GPC5: variants seen among roughly 807,000 people sequenced by gnomAD.
GPC5 encodes the protein glypican-5.
A neutral mutation model predicts 53.9 loss-of-function variants in GPC5; 47 were observed. That is an observed-to-expected ratio of 0.87 (90% confidence interval 0.69 to 1.11). The LOEUF (loss-of-function observed/expected upper bound fraction) is 1.11, where lower values mean the gene tolerates loss of function less well. Among genes scored for constraint, GPC5 ranks in the 50% most tolerant of loss-of-function variants. The pLI is 0.00. For missense variants in GPC5, 748 were observed against 713.1 expected (o/e 1.05, Z -0.56); for synonymous variants, 286 against 263.3 (o/e 1.09, Z -0.84).
rs1594139907 is a variant in GPC5 at position 91,478,191 on chromosome 13, G to T, written c.325+29269G>T. Among the ~76,000 whole-genome samples, 4 of 151,724 alleles carry T rather than the reference G, an allele frequency of 2.6e-5. No homozygotes were observed. In the East Asian group the frequency reaches 7.8e-4, roughly 29 times the overall value. The stretch of plus-strand genomic sequence containing the variant: ...TAAAAAAAAGTTAATCTTTTTACCA[G>T]ACACTTAAAATTACTCTTTTCATTA... On this transcript the variant is annotated intron_variant, in intron 2 of 7. Coordinates refer to ENST00000377067, the MANE Select transcript of GPC5 (RefSeq NM_004466.6).
intron 7 of GPC5, among the ~76,000 whole-genome samples, chr13:92,639,871 A>G (rs1364584432): frequency 6.6e-6 from 1 of 152,130 alleles, no homozygotes; most frequent in Non-Finnish European, 1.5e-5. Context: ...CATAGACATG[A>G]ATGGGAAAAG....
intron 7 of GPC5, among the ~76,000 whole-genome samples, chr13:92,326,874 A>G (rs2043255132): frequency 6.6e-6 from 1 of 152,058 alleles, no homozygotes; most frequent in African/African-American, 2.4e-5. Context: ...ATCAGGCTCT[A>G]TGGTCAGGGA....
At chr13:91,811,996 G>C (rs903024234) in intron 5 of GPC5, among the ~76,000 whole-genome samples, 1 of 152,218 alleles carries the variant, frequency 6.6e-6, no homozygotes, top group Non-Finnish European at 1.5e-5. Flanking sequence ...GAAACAGGTT[G>C]CTGAGTCTAG....
chr13:91,794,065 G>A (rs1261799773), intron 5 of GPC5, among the ~76,000 whole-genome samples: 4 of 152,096 alleles, frequency 2.6e-5, no homozygotes, highest in Admixed American at 2.0e-4. Flanking sequence ...CCAGTGTCGA[G>A]TCAAAATTCT....
intron 7 of GPC5, among the ~76,000 whole-genome samples, chr13:92,564,542 T>C (rs1882804067): frequency 6.6e-6 from 1 of 152,060 alleles, no homozygotes; most frequent in Non-Finnish European, 1.5e-5. Context: ...TTATTTTAAA[T>C]TCAGGGGATA....
intron 6 of GPC5, among the ~76,000 whole-genome samples, chr13:92,044,412 G>A (rs2040965590): frequency 6.6e-6 from 1 of 152,136 alleles, no homozygotes; most frequent in African/African-American, 2.4e-5. Flanking sequence ...CATGGATTGG[G>A]GAGCCATAGA....
At chr13:92,729,556 A>G (rs11616329) in intron 7 of GPC5, among the ~76,000 whole-genome samples, 12,394 of 151,452 alleles carry the variant, frequency 0.082, 1,020 homozygotes, top group East Asian at 0.37. Context: ...AATTACTTAT[A>G]TGGTTTATAT....
rs140419836 is a variant in GPC5 at position 92,800,800 on chromosome 13, T to C, written c.1562-65482T>C. ...AACTTTTGATATTCTCAGTTCCCAA[T>C]AATAATACCTTAGGGTGTTGTTTGT... On this transcript the variant is annotated intron_variant, in intron 7 of 7. Transcript: ENST00000377067. 2.4e-3 allele frequency among the ~76,000 whole-genome samples: 363 copies of C among 151,968 alleles called. 2 individuals are homozygous for C. Among genetic ancestry groups the C allele is most frequent in the African/African-American group, 8.5e-3 (354 of 41,506 alleles).
chr13:92,024,653 T>C (rs2040786238), intron 6 of GPC5, among the ~76,000 whole-genome samples: 1 of 152,150 alleles, frequency 6.6e-6, no homozygotes, highest in South Asian at 2.1e-4. Flanking sequence ...CTCTTATTCT[T>C]ACCTCCAAAT....
At chr13:91,579,354 C>A (rs914149354) in intron 2 of GPC5, among the ~76,000 whole-genome samples, 1 of 152,140 alleles carries the variant, frequency 6.6e-6, no homozygotes, top group Non-Finnish European at 1.5e-5. Context: ...CTTATTCTTT[C>A]GGACCATAAC....
intron 2 of GPC5, among the ~76,000 whole-genome samples, chr13:91,475,264 C>G (rs997888014): frequency 2.0e-5 from 3 of 151,976 alleles, no homozygotes; most frequent in Admixed American, 1.3e-4. Context: ...AAATAAAAAC[C>G]CTTATACTTA....
intron 6 of GPC5, among the ~76,000 whole-genome samples, chr13:92,025,552 G>C (rs1044826340): frequency 6.6e-6 from 1 of 152,146 alleles, no homozygotes; most frequent in African/African-American, 2.4e-5. Flanking sequence ...CTGGGGTCTG[G>C]CTTGCTGCAG....
At chr13:91,779,295 C>T (rs1020391924) in intron 5 of GPC5, among the ~76,000 whole-genome samples, 1 of 152,172 alleles carries the variant, frequency 6.6e-6, no homozygotes, top group African/African-American at 2.4e-5. Flanking sequence ...AACACAAACA[C>T]ATGGTGGAGC....
intron 7 of GPC5, among the ~76,000 whole-genome samples, chr13:92,859,768 A>G (rs1011634992): frequency 6.6e-6 from 1 of 152,142 alleles, no homozygotes; most frequent in African/African-American, 2.4e-5. Context: ...GATAAAAATC[A>G]TAACATCAGT....
Position 92,243,828 on chromosome 13 carries a change from A to G in GPC5, c.1561+98839A>G, listed in dbSNP as rs546885126. Reference sequence around the variant, plus strand: ...TGAGAGTAGATCTGTGCATGTAAGGAAAGAGTACAGCTAAAGAAGAGATGG... The same window carrying G: ...TGAGAGTAGATCTGTGCATGTAAGGGAAGAGTACAGCTAAAGAAGAGATGG... On this transcript the variant is annotated intron_variant, in intron 7 of 7. Transcript: ENST00000377067. 3.9e-5 allele frequency among the ~76,000 whole-genome samples: 6 copies of G among 152,098 alleles called. No individual in the cohort carries two copies. In the South Asian group the frequency reaches 1.0e-3, roughly 26 times the overall value.
intron 4 of GPC5, 97 bp downstream of exon 4, chr13:91,728,762 A>G (rs1454180493): frequency 4.3e-6 from 5 of 1,171,694 alleles, no homozygotes; most frequent in Non-Finnish European, 4.5e-6. Flanking sequence ...ATAAAATTCA[A>G]TATGGACAAA....
chr13:91,798,674 G>T (rs1443311755), intron 5 of GPC5, among the ~76,000 whole-genome samples: 1 of 152,096 alleles, frequency 6.6e-6, no homozygotes, highest in African/African-American at 2.4e-5. Flanking sequence ...ATAATGGAAT[G>T]ATTTATATTC....
intron 2 of GPC5, among the ~76,000 whole-genome samples, chr13:91,623,485 A>G (rs1378725957): frequency 1.3e-5 from 2 of 152,104 alleles, no homozygotes; most frequent in Non-Finnish European, 2.9e-5. Flanking sequence ...GAAGCACAGC[A>G]GAGAGTCTCT....
chr13:92,078,202 G>A (rs2041268138), intron 6 of GPC5, among the ~76,000 whole-genome samples: 1 of 152,130 alleles, frequency 6.6e-6, no homozygotes, highest in Non-Finnish European at 1.5e-5. Flanking sequence ...ATATTCTTTA[G>A]CAATTCATCC....
Sources: allele counts gnomAD v4.1 joint callset (sites outside exome capture counted in the v4.1 genomes callset), GRCh38; gene constraint gnomAD v4.1.1; transcripts MANE v1.5; gene names NCBI Gene and HGNC (gene_info 2026-07-23, HGNC 2026-07-21).